The following GSAP variants were observed in gnomAD, a reference collection of about 807,000 sequenced individuals.
GSAP encodes gamma-secretase-activating protein.
GSAP carries 118 observed loss-of-function variants against 131.7 expected under a neutral mutation model. That is an observed-to-expected ratio of 0.90 (90% CI 0.77 to 1.04). The LOEUF is 1.04. GSAP is among the 50% of genes least tolerant of loss of function. The probability of loss-of-function intolerance (pLI) is 0.00; values close to 1 mark genes in which losing one functional copy is unlikely to be tolerated. For missense variants in GSAP, 1,019 were observed against 1,013.2 expected, an observed-to-expected ratio of 1.01 and a Z score of -0.08; for synonymous variants, 381 against 363.4, an observed-to-expected ratio of 1.05 and a Z score of -0.55.
chr7:77,396,925 A>T, intron 5 of GSAP, 57 bp downstream of exon 5: 1 of 872,168 alleles, frequency 1.1e-6, no homozygotes. Flanking sequence ...AGTATAATAA[A>T]TCATCTACCA....
chr7:77,397,370 C>T lies in GSAP; in HGVS notation c.289G>A (p.Val97Ile). The T allele has an allele frequency of 6.2e-7, 1 of 1,606,332 alleles. No homozygotes were observed. The highest frequency in any genetic ancestry group is 8.5e-7 in the Non-Finnish European group (1 of 1,174,182). The change falls in exon 4 of 31, where the codon GTC (valine) becomes ATC (isoleucine). Residue 97 changes from valine to isoleucine, a missense_variant. Val to Ile is a conservative substitution (Grantham distance 29, BLOSUM62 3). Transcript: ENST00000257626. Reference sequence around the variant, plus strand: ...CCAAGCAAAGTCCTTTCACTGTTGACAGAGCAACTGAAAACTTGCAAGTCT... The same window carrying T: ...CCAAGCAAAGTCCTTTCACTGTTGATAGAGCAACTGAAAACTTGCAAGTCT... ...EKDLQVFSCS[V>I]NSERTLLAAS...
chr7:77,358,214 C>T (rs1310184810), intron 14 of GSAP, among the ~76,000 whole-genome samples: 7 of 152,080 alleles, frequency 4.6e-5, no homozygotes, highest in Admixed American at 2.0e-4. Flanking sequence ...TGGCGGCATG[C>T]GCCTGTAATC....
intron 23 of GSAP, 97 bp downstream of exon 23, chr7:77,326,115 A>G: frequency 2.4e-6 from 2 of 818,330 alleles, no homozygotes; most frequent in Non-Finnish European, 2.0e-6. Context: ...TGCAAAGAAT[A>G]AAGAATAAGA....
chr7:77,376,693 C>T (rs988412845), intron 10 of GSAP, among the ~76,000 whole-genome samples, 155 bp downstream of exon 10: 2 of 148,388 alleles, frequency 1.3e-5, no homozygotes, highest in South Asian at 2.1e-4. Context: ...AGGAGAATGG[C>T]GTGAACCCAG....
chr7:77,319,025 CTG>C (rs1325158042), intron 26 of GSAP, among the ~76,000 whole-genome samples: 1 of 151,972 alleles, frequency 6.6e-6, no homozygotes, highest in African/African-American at 2.4e-5. Context: ...TGTAACAAAC[CTG>C]TGTGTTGTGC....
chr7:77,377,508 C>T, intron 8 of GSAP, 118 bp from the exon 9 acceptor site: 1 of 1,241,054 alleles, frequency 8.1e-7, no homozygotes. Flanking sequence ...AATATTTCCA[C>T]AGTTCACTGT....
At chr7:77,334,252 A>G (rs1789603796) in intron 19 of GSAP, among the ~76,000 whole-genome samples, 1 of 152,174 alleles carries the variant, frequency 6.6e-6, no homozygotes. Context: ...CACAAAAAGG[A>G]ACAAGATCAT....
chr7:77,386,115 C>A (rs189749877), intron 6 of GSAP, among the ~76,000 whole-genome samples: 1 of 152,044 alleles, frequency 6.6e-6, no homozygotes, highest in East Asian at 1.9e-4. Context: ...ATGCCATAAT[C>A]CTAAATATTG....
chr7:77,397,635 A>T (rs1800640683), intron 3 of GSAP, among the ~76,000 whole-genome samples: 1 of 152,236 alleles, frequency 6.6e-6, no homozygotes, highest in African/African-American at 2.4e-5. Flanking sequence ...TAGCCATGAG[A>T]CAACCAAGTA....
At chr7:77,364,051 A>G (rs1354660422) in intron 12 of GSAP, among the ~76,000 whole-genome samples, 1 of 152,222 alleles carries the variant, frequency 6.6e-6, no homozygotes, top group African/African-American at 2.4e-5. Flanking sequence ...TGCTTAAAAA[A>G]AAGACTTTAG....
intron 6 of GSAP, among the ~76,000 whole-genome samples, chr7:77,385,965 AACAC>A (rs1263334790): frequency 6.6e-6 from 1 of 152,234 alleles, no homozygotes; most frequent in East Asian, 1.9e-4. Flanking sequence ...GCACTGTGTG[AACAC>A]ACACAGTTCA....
intron 19 of GSAP, among the ~76,000 whole-genome samples, chr7:77,342,178 GCA>G: frequency 6.6e-5 from 10 of 152,218 alleles, no homozygotes; most frequent in African/African-American, 2.4e-4. Flanking sequence ...GACTGACGCT[GCA>G]CCATCACCTC....
At chr7:77,374,023 G>C (rs370729409) in intron 12 of GSAP, 47 bp downstream of exon 12, 3 of 1,047,544 alleles carry the variant, frequency 2.9e-6, no homozygotes, top group Non-Finnish European at 4.4e-6. Flanking sequence ...ATTTTGTCTA[G>C]AACTCAAATA....
chr7:77,412,962 G>T (rs536866078), intron 1 of GSAP, among the ~76,000 whole-genome samples: 1 of 152,126 alleles, frequency 6.6e-6, no homozygotes, highest in African/African-American at 2.4e-5. Flanking sequence ...ACTTTTAGAC[G>T]TACATTCTAG....
intron 12 of GSAP, among the ~76,000 whole-genome samples, chr7:77,363,241 G>C (rs1794797666): frequency 6.6e-6 from 1 of 152,220 alleles, no homozygotes; most frequent in Admixed American, 6.5e-5. Context: ...TTCCAGGTGA[G>C]TCTTGACCCC....
At chr7:77,392,982 G>A (rs1308974292) in intron 5 of GSAP, among the ~76,000 whole-genome samples, 5 of 152,088 alleles carry the variant, frequency 3.3e-5, no homozygotes, top group African/African-American at 1.2e-4. Context: ...GACAGCCAGA[G>A]CCTGGTTTCC....
chr7:77,368,372 AT>A (rs781557067), intron 12 of GSAP, among the ~76,000 whole-genome samples: 8 of 152,148 alleles, frequency 5.3e-5, no homozygotes, highest in Non-Finnish European at 1.2e-4. Context: ...TCAGCCCTGG[AT>A]TTTTTTCTTT....
intron 23 of GSAP, among the ~76,000 whole-genome samples, chr7:77,324,502 C>T (rs898399482): frequency 9.8e-5 from 15 of 152,288 alleles, no homozygotes; most frequent in African/African-American, 3.1e-4. Flanking sequence ...GCTTATATCA[C>T]CCATGCACAC....
At chr7:77,369,429 C>T (rs1795798138) in intron 12 of GSAP, among the ~76,000 whole-genome samples, 1 of 152,160 alleles carries the variant, frequency 6.6e-6, no homozygotes, top group African/African-American at 2.4e-5. Flanking sequence ...TAGATTGTAA[C>T]CTCTAGTTCC....
Sources: gnomAD v4.1 joint callset for allele counts (sites outside exome capture counted in the v4.1 genomes callset) on GRCh38, gnomAD v4.1.1 for gene constraint, MANE v1.5 for transcripts, NCBI Gene and HGNC (gene_info 2026-07-23, HGNC 2026-07-21) for gene names.